ESF1: variants seen among roughly 807,000 people sequenced by gnomAD.
The protein encoded by ESF1 is ESF1 homolog.
In ESF1, 58 loss-of-function variants were observed where a neutral mutation model predicts 92.0. The observed-to-expected ratio is 0.63, with a 90% CI of 0.51 to 0.78. The LOEUF (loss-of-function observed/expected upper bound fraction) is 0.78. ESF1 is among the 30% of genes least tolerant of loss of function. The pLI is 0.00. For missense variants in ESF1, 922 were observed against 989.1 expected (o/e 0.93, Z 0.91); for synonymous variants, 321 against 313.7 (o/e 1.02, Z -0.24).
rs774642119 is a variant in ESF1, at chr20:13,783,142, T to C, written c.-2A>G. On this transcript the variant is annotated 5_prime_UTR_variant, in exon 2 of 14. Coordinates refer to ENST00000617257, the MANE Select transcript of ESF1 (RefSeq NM_001276380.2). ...CATTATTTCTTGTTTGGATGACATT[T>C]TTAATTCTTAATCTCGACCAAATGC... 1.7e-5 allele frequency: 27 copies of C among 1,592,400 alleles called. No individual in the cohort carries two copies. Among genetic ancestry groups the C allele is most frequent in the African/African-American group, 4.0e-5 (3 of 74,084 alleles).
intron 9 of ESF1, among the ~76,000 whole-genome samples, chr20:13,734,606 T>C (rs2049964308): frequency 6.6e-6 from 1 of 152,180 alleles, no homozygotes; most frequent in South Asian, 2.1e-4. Flanking sequence ...GAAAAAGCCC[T>C]AAGGCTGATC....
chr20:13,765,726 T>C (rs1294354581), intron 8 of ESF1, among the ~76,000 whole-genome samples: 1 of 152,220 alleles, frequency 6.6e-6, no homozygotes, highest in African/African-American at 2.4e-5. Context: ...AACCTAAGCC[T>C]TAACATTTGG....
chr20:13,775,082 C>CAAAA (rs67609153), intron 4 of ESF1, 75 bp downstream of exon 4: 4 of 732,516 alleles, frequency 5.5e-6, no homozygotes, highest in African/African-American at 2.0e-5. Flanking sequence ...AAACTATGGC[C>CAAAA]AAAAAAAAAA....
chr20:13,718,164 A>C (rs1300362378), intron 12 of ESF1, among the ~76,000 whole-genome samples: 1 of 152,214 alleles, frequency 6.6e-6, no homozygotes, highest in Non-Finnish European at 1.5e-5. Context: ...ACCTTTGTGG[A>C]TCTTCCTATA....
chr20:13,736,304 T>A (rs566726330), intron 9 of ESF1, among the ~76,000 whole-genome samples: 1 of 152,192 alleles, frequency 6.6e-6, no homozygotes, highest in Admixed American at 6.5e-5. Context: ...TTGCCAAATA[T>A]CCTCTTGGGG....
At chr20:13,731,817 G>A (rs751333712) in intron 10 of ESF1, among the ~76,000 whole-genome samples, 1 of 152,164 alleles carries the variant, frequency 6.6e-6, no homozygotes, top group Non-Finnish European at 1.5e-5. Flanking sequence ...TAGTTGTGGG[G>A]AAGGAATGCT....
intron 9 of ESF1, among the ~76,000 whole-genome samples, chr20:13,746,021 A>T (rs2050046323): frequency 6.6e-6 from 1 of 152,204 alleles, no homozygotes; most frequent in East Asian, 1.9e-4. Context: ...GGAATGTAGT[A>T]GCATGTGATC....
At chr20:13,738,390 T>C (rs886915764) in intron 9 of ESF1, among the ~76,000 whole-genome samples, 1 of 151,636 alleles carries the variant, frequency 6.6e-6, no homozygotes, top group Non-Finnish European at 1.5e-5. Flanking sequence ...CACAGCTCAC[T>C]GCAGCCTAGA....
intron 10 of ESF1, among the ~76,000 whole-genome samples, chr20:13,729,316 C>A (rs1303110930): frequency 6.6e-6 from 1 of 152,156 alleles, no homozygotes; most frequent in Non-Finnish European, 1.5e-5. Context: ...ACCATGTAGG[C>A]CTTTTGGGAG....
intron 11 of ESF1, among the ~76,000 whole-genome samples, chr20:13,723,114 G>C (rs2049879045): frequency 6.6e-6 from 1 of 152,140 alleles, no homozygotes; most frequent in Admixed American, 6.5e-5. Context: ...TACTTATAAT[G>C]TCAGAGACTT....
At chr20:13,762,724 T>A in intron 8 of ESF1, 1 of 304,932 alleles carries the variant, frequency 3.3e-6, no homozygotes, top group Admixed American at 5.0e-5. Flanking sequence ...GGCATTTGAA[T>A]ATGCTGATGT....
At chr20:13,725,061 C>T (rs752918720) in intron 11 of ESF1, among the ~76,000 whole-genome samples, 40 of 152,276 alleles carry the variant, frequency 2.6e-4, no homozygotes, top group Non-Finnish European at 5.3e-4. Flanking sequence ...TGAACACTCT[C>T]CTTAAAATTG....
At chr20:13,771,526 CA>C (rs1408844114) in intron 5 of ESF1, 43 bp from the exon 6 acceptor site, 1 of 1,483,354 alleles carries the variant, frequency 6.7e-7, no homozygotes, top group Non-Finnish European at 9.2e-7. Context: ...TACAGAAACA[CA>C]AAAATTTCCC....
intron 1 of ESF1, among the ~76,000 whole-genome samples, chr20:13,784,666 G>T (rs532364244): frequency 3.3e-5 from 5 of 152,150 alleles, no homozygotes; most frequent in African/African-American, 9.7e-5. Context: ...TGTACCGCAG[G>T]GGGGCAGCTA....
intron 7 of ESF1, among the ~76,000 whole-genome samples, chr20:13,769,076 T>C (rs1349639431): frequency 6.6e-6 from 1 of 152,172 alleles, no homozygotes. Context: ...CAGAAAAAGG[T>C]ACTCCTATTT....
At chr20:13,728,521 TG>T in intron 10 of ESF1, 56 bp from the exon 11 acceptor site, 2 of 1,278,808 alleles carry the variant, frequency 1.6e-6, no homozygotes, top group Non-Finnish European at 2.2e-6. Context: ...TTATAATAAA[TG>T]TATACCAAGA....
chr20:13,720,886 C>T (rs896060703), intron 11 of ESF1, among the ~76,000 whole-genome samples: 2 of 152,138 alleles, frequency 1.3e-5, no homozygotes, highest in African/African-American at 2.4e-5. Context: ...TTCGGGAGGC[C>T]GAGGTGGGTG....
At chr20:13,733,611 G>A (rs1479977947) in intron 10 of ESF1, 110 bp downstream of exon 10, 2 of 1,143,114 alleles carry the variant, frequency 1.7e-6, no homozygotes, top group South Asian at 1.8e-5. Flanking sequence ...TGATAACAAG[G>A]CCTACTTCAG....
At chr20:13,776,329 T>A in intron 2 of ESF1, 59 bp from the exon 3 acceptor site, 1 of 1,472,440 alleles carries the variant, frequency 6.8e-7, no homozygotes, top group South Asian at 1.4e-5. Context: ...TTAAACTGAA[T>A]CCAAATTATC....
Sources: allele counts gnomAD v4.1 joint callset (sites outside exome capture counted in the v4.1 genomes callset), GRCh38; gene constraint gnomAD v4.1.1; transcripts MANE v1.5; gene names NCBI Gene and HGNC (gene_info 2026-07-23, HGNC 2026-07-21).